The following TMEM123 variants were observed in gnomAD, a reference collection of about 807,000 sequenced individuals.
TMEM123 encodes porimin.
Under a neutral mutation model 19.7 loss-of-function variants are expected in TMEM123, and 16 were observed. That is an observed-to-expected ratio of 0.81 (90% CI 0.55 to 1.23). TMEM123 has a LOEUF of 1.23. TMEM123 is among the 50% of genes most tolerant of loss of function. The pLI, the probability that TMEM123 is intolerant of heterozygous loss-of-function variation, is 0.00. For missense variants in TMEM123, 313 were observed against 257.8 expected, an observed-to-expected ratio of 1.21 and a Z score of -1.47; for synonymous variants, 118 against 99.4, an observed-to-expected ratio of 1.19 and a Z score of -1.12.
chr11:102,418,722 T>A (rs1952060689), intron 2 of TMEM123, among the ~76,000 whole-genome samples: 1 of 152,178 alleles, frequency 6.6e-6, no homozygotes, highest in African/African-American at 2.4e-5. Context: ...ACTGCAGCAC[T>A]ATTCACAATA....
chr11:102,406,202 G>A (rs970831944), intron 2 of TMEM123, among the ~76,000 whole-genome samples: 4 of 152,194 alleles, frequency 2.6e-5, no homozygotes, highest in Admixed American at 2.6e-4. Context: ...TCCAGCCTCC[G>A]ATAAGCTAAG....
intron 2 of TMEM123, among the ~76,000 whole-genome samples, chr11:102,419,714 AAGG>A (rs1490683642): frequency 2.6e-5 from 4 of 152,260 alleles, no homozygotes; most frequent in Non-Finnish European, 5.9e-5. Flanking sequence ...TTTAATCTAA[AAGG>A]AGAATTCAAT....
chr11:102,427,228 T>C (rs76855203), intron 2 of TMEM123, among the ~76,000 whole-genome samples: 216 of 152,160 alleles, frequency 1.4e-3, no homozygotes, highest in African/African-American at 4.8e-3. Flanking sequence ...TGCCTTTTAA[T>C]ATCAAATGGC....
chr11:102,406,543 T>G (rs1432157312), intron 2 of TMEM123, among the ~76,000 whole-genome samples: 2 of 152,022 alleles, frequency 1.3e-5, no homozygotes, highest in African/African-American at 2.4e-5. Context: ...CAAATCAAAC[T>G]CCATGGAAGA....
intron 2 of TMEM123, 52 bp from the exon 3 acceptor site, chr11:102,402,258 GATCCC>G: frequency 6.4e-7 from 1 of 1,565,654 alleles, no homozygotes; most frequent in Non-Finnish European, 8.7e-7. Context: ...TAGGGAATAA[GATCCC>G]ATTTCACTGA....
At chr11:102,399,427 A>G (rs1442708405) in intron 4 of TMEM123, among the ~76,000 whole-genome samples, 2 of 152,226 alleles carry the variant, frequency 1.3e-5, no homozygotes, top group Non-Finnish European at 2.9e-5. Context: ...CCTGGGTGAC[A>G]GAGCCACTGC....
intron 2 of TMEM123, among the ~76,000 whole-genome samples, chr11:102,403,908 C>T (rs922371612): frequency 5.9e-5 from 9 of 152,290 alleles, no homozygotes; most frequent in African/African-American, 1.9e-4. Context: ...TTGACCTTCT[C>T]GGCCATGTTG....
chr11:102,405,900 T>C (rs1465396436), intron 2 of TMEM123, among the ~76,000 whole-genome samples: 1 of 152,260 alleles, frequency 6.6e-6, no homozygotes, highest in Non-Finnish European at 1.5e-5. Context: ...TGCATTAAAC[T>C]GTGTTTCCTG....
intron 2 of TMEM123, among the ~76,000 whole-genome samples, chr11:102,422,917 C>T (rs1308038058): frequency 2.0e-5 from 3 of 152,144 alleles, no homozygotes; most frequent in Admixed American, 6.6e-5. Flanking sequence ...ACAATCTACC[C>T]AGAACAGAGC....
intron 2 of TMEM123, among the ~76,000 whole-genome samples, chr11:102,433,928 CCATGTGGAACTGTGACTCAATTAAA>C: frequency 6.6e-6 from 1 of 151,924 alleles, no homozygotes; most frequent in South Asian, 2.1e-4. Flanking sequence ...GCCTCCCTAG[CCATGTGGAACTGTGACTCAATTAAA>C]CCTCTTTTCC....
intron 2 of TMEM123, among the ~76,000 whole-genome samples, chr11:102,426,857 G>GT (rs201049343): frequency 1.3e-4 from 1 of 7,410 alleles, no homozygotes; most frequent in African/African-American, 3.6e-4. Context: ...TTTTAAAGTA[G>GT]TTCCCCCCCC....
At chr11:102,436,067 G>A (rs913179062) in intron 2 of TMEM123, among the ~76,000 whole-genome samples, 1 of 149,460 alleles carries the variant, frequency 6.7e-6, no homozygotes, top group Admixed American at 6.6e-5. Context: ...CTCAGTGAAG[G>A]TATTTAAAAA....
chr11:102,430,091 T>C (rs778380256), intron 2 of TMEM123, among the ~76,000 whole-genome samples: 2 of 152,160 alleles, frequency 1.3e-5, no homozygotes, highest in African/African-American at 4.8e-5. Flanking sequence ...CTGGATGGGC[T>C]TCATCTTTAT....
At chr11:102,431,327 T>C (rs999463641) in intron 2 of TMEM123, among the ~76,000 whole-genome samples, 1 of 152,224 alleles carries the variant, frequency 6.6e-6, no homozygotes, top group Non-Finnish European at 1.5e-5. Flanking sequence ...GATGTTATGA[T>C]TTATGAATAC....
chr11:102,452,641 G>A lies in TMEM123; in HGVS notation c.-18C>T. The A allele has an allele frequency of 1.3e-6, 2 of 1,489,668 alleles. No individual in the cohort carries two copies. The highest frequency in any genetic ancestry group is 9.0e-7 in the Non-Finnish European group (1 of 1,116,700). 92.3% of individuals were successfully genotyped at this position (1,489,668 alleles called of 1,614,324 possible). A position where few individuals can be genotyped will look rare whatever the true frequency, so the allele number is the denominator to read the frequency against. On this transcript the variant is annotated 5_prime_UTR_variant, in exon 1 of 5. Transcript: ENST00000398136. ...AGTCCCATTGTTCCGAGGGCAGGAT[G>A]CGGCAGCCTCGTGGGCTCCCAGCCG... is the stretch of plus-strand genomic sequence containing the variant.
At chr11:102,428,421 C>G (rs1246488511) in intron 2 of TMEM123, among the ~76,000 whole-genome samples, 4 of 151,860 alleles carry the variant, frequency 2.6e-5, no homozygotes, top group Non-Finnish European at 4.4e-5. Context: ...CCTGCCTCAG[C>G]CTCCCAAGTA....
rs377048905 is a variant in TMEM123, at chr11:102,448,396, A to C, written c.157+416T>G. The C allele has an allele frequency of 3.8e-4, 158 of 420,734 alleles. 1 individual carries two copies. In the Middle Eastern group the frequency reaches 0.013, roughly 33 times the overall value. 26.1% of individuals were successfully genotyped at this position (420,734 alleles called of 1,614,324 possible). A position where few individuals can be genotyped will look rare whatever the true frequency, so the allele number is the denominator to read the frequency against. On this transcript the variant is annotated intron_variant, in intron 2 of 4. Coordinates refer to ENST00000398136, the MANE Select transcript of TMEM123 (RefSeq NM_052932.3). ...TCTGCCTAATGGGTGAAATGTAAGT[A>C]GGGTCTCCTTAGAGTCAGCAGAGGT...
intron 2 of TMEM123, among the ~76,000 whole-genome samples, chr11:102,421,623 A>C (rs948477318): frequency 6.6e-6 from 1 of 152,204 alleles, no homozygotes; most frequent in African/African-American, 2.4e-5. Context: ...CATTGTGTAA[A>C]GGCACTAGAA....
chr11:102,424,123 A>C (rs1952107020), intron 2 of TMEM123, among the ~76,000 whole-genome samples: 1 of 152,214 alleles, frequency 6.6e-6, no homozygotes, highest in African/African-American at 2.4e-5. Context: ...GCATAATGCC[A>C]ATACAAAGAC....
Sources: gnomAD v4.1 joint callset for allele counts (sites outside exome capture counted in the v4.1 genomes callset) on GRCh38, gnomAD v4.1.1 for gene constraint, MANE v1.5 for transcripts, NCBI Gene and HGNC (gene_info 2026-07-23, HGNC 2026-07-21) for gene names.